MIA2: variants seen among roughly 807,000 people sequenced by gnomAD.
The protein encoded by MIA2 is MIA SH3 domain ER export factor 2.
In MIA2, 127 loss-of-function variants were observed where a neutral mutation model predicts 167.8. That is an observed-to-expected ratio of 0.76 (90% CI 0.66 to 0.88). The LOEUF is 0.88. MIA2 is among the 40% of genes least tolerant of loss of function. The probability of loss-of-function intolerance (pLI) is 0.00; values close to 1 mark genes in which losing one functional copy is unlikely to be tolerated. For missense variants in MIA2, 1,690 were observed against 1,624.7 expected, an observed-to-expected ratio of 1.04 and a Z score of -0.69; for synonymous variants, 552 against 541.9, an observed-to-expected ratio of 1.02 and a Z score of -0.26.
At chr14:39,300,967 T>C (rs76153461) in intron 14 of MIA2, among the ~76,000 whole-genome samples, 4 of 140,180 alleles carry the variant, frequency 2.9e-5, no homozygotes, top group East Asian at 2.1e-4. Context: ...CATATACACA[T>C]ATATACACAT....
At chr14:39,246,080 A>ATTT (rs1464039377) in intron 3 of MIA2, among the ~76,000 whole-genome samples, 1 of 46,950 alleles carries the variant, frequency 2.1e-5, no homozygotes, top group Non-Finnish European at 4.1e-5. Context: ...ATTTTTAAAA[A>ATTT]TTTTTATTTA....
chr14:39,276,839 A>G, intron 6 of MIA2, 95 bp from the exon 7 acceptor site: 2 of 1,388,894 alleles, frequency 1.4e-6, no homozygotes. Context: ...CTGGCAGCCC[A>G]TTTTGTGTTG....
chr14:39,380,184 G>A (rs2139357885), intron 23 of MIA2, among the ~76,000 whole-genome samples: 1 of 152,264 alleles, frequency 6.6e-6, no homozygotes, highest in Admixed American at 6.5e-5. Context: ...GGTCACAACA[G>A]CAATTAAAAC....
At chr14:39,239,197 G>A (rs967586712) in intron 2 of MIA2, among the ~76,000 whole-genome samples, 1 of 152,112 alleles carries the variant, frequency 6.6e-6, no homozygotes, top group African/African-American at 2.4e-5. Context: ...GGCCAGAATT[G>A]CTTGTCTGGC....
chr14:39,277,708 A>ATG lies in MIA2; in HGVS notation c.2019+644_2019+645insGT, dbSNP rs2058275199. The stretch of plus-strand genomic sequence containing the variant: ...TATATGTGTGTATATATATATATAT[A>ATG]TATATATGTGTGTATATATATATAT... On this transcript the variant is annotated intron_variant, in intron 7 of 28. Coordinates refer to ENST00000640607, the MANE Select transcript of MIA2 (RefSeq NM_001329214.4). Among the ~76,000 whole-genome samples the ATG allele has an allele frequency of 2.9e-4, 2 of 6,924 alleles. 1 individual carries two copies. The highest frequency in any genetic ancestry group is 2.1e-3 in the African/African-American group (2 of 966). 4.5% of individuals were successfully genotyped at this position (6,924 alleles called of 152,430 possible).
intron 6 of MIA2, chr14:39,267,356 G>A (rs1222163676): frequency 6.3e-7 from 1 of 1,580,376 alleles, no homozygotes; most frequent in Admixed American, 1.9e-5. Context: ...CGGTTGCCGG[G>A]TGCGGATTCG....
At chr14:39,300,491 G>C (rs1429591400) in intron 14 of MIA2, among the ~76,000 whole-genome samples, 1 of 151,896 alleles carries the variant, frequency 6.6e-6, no homozygotes, top group East Asian at 1.9e-4. Flanking sequence ...TCTTAATGCT[G>C]ATAAATACAG....
At chr14:39,240,509 A>T in intron 2 of MIA2, 52 bp from the exon 3 acceptor site, 1 of 1,408,884 alleles carries the variant, frequency 7.1e-7, no homozygotes. Context: ...TTCAATAATT[A>T]TTATTGCTTT....
chr14:39,311,764 A>G (rs1203612237), intron 18 of MIA2, among the ~76,000 whole-genome samples: 2 of 150,464 alleles, frequency 1.3e-5, no homozygotes, highest in Non-Finnish European at 3.0e-5. Context: ...TGTGGGGATT[A>G]TAGGCATGAG....
chr14:39,272,810 AT>A (rs1319908771), intron 6 of MIA2, among the ~76,000 whole-genome samples: 1 of 152,218 alleles, frequency 6.6e-6, no homozygotes, highest in African/African-American at 2.4e-5. Context: ...CTTTACATTT[AT>A]TTAAGTCTTC....
chr14:39,266,270 G>A (rs189316796), intron 6 of MIA2: 13 of 982,820 alleles, frequency 1.3e-5, no homozygotes, highest in East Asian at 1.1e-4. Context: ...ATATATATGA[G>A]ATGGGTTATC....
Position 39,266,044 on chromosome 14 carries a change from G to C in MIA2, c.1888-10890G>C, listed in dbSNP as rs190212368. The C allele has an allele frequency of 3.1e-4, 301 of 985,382 alleles. No individual in the cohort carries two copies. In the African/African-American group the frequency reaches 3.7e-3, roughly 12 times the overall value. 61.0% of individuals were successfully genotyped at this position (985,382 alleles called of 1,614,324 possible). A position where few individuals can be genotyped will look rare whatever the true frequency, so the allele number is the denominator to read the frequency against. On this transcript the variant is annotated intron_variant, in intron 6 of 28. Coordinates refer to ENST00000640607, the MANE Select transcript of MIA2 (RefSeq NM_001329214.4). ...CTGAAAAATCACTTGCTGTGAACTT[G>C]GGCCAGTTTTTGATTTTTTAAATGG...
intron 13 of MIA2, among the ~76,000 whole-genome samples, chr14:39,297,217 C>G (rs1405011285): frequency 6.6e-6 from 1 of 152,012 alleles, no homozygotes; most frequent in Non-Finnish European, 1.5e-5. Context: ...CCTCAGCCTC[C>G]CGAGTAGCTG....
At chr14:39,237,241 C>T (rs182593613) in intron 2 of MIA2, 186 bp downstream of exon 2, 14 of 666,532 alleles carry the variant, frequency 2.1e-5, no homozygotes, top group Middle Eastern at 3.6e-4. Flanking sequence ...CATCCTCCCA[C>T]CTCAGCCTCC....
At chr14:39,372,382 A>T (rs1253668068) in intron 23 of MIA2, among the ~76,000 whole-genome samples, 2 of 152,222 alleles carry the variant, frequency 1.3e-5, no homozygotes. Context: ...CTTACATCAA[A>T]GATCTATGAG....
At chr14:39,383,430 A>T (rs1193707381) in intron 23 of MIA2, among the ~76,000 whole-genome samples, 1 of 152,218 alleles carries the variant, frequency 6.6e-6, no homozygotes, top group Non-Finnish European at 1.5e-5. Context: ...ATGTGTTCTG[A>T]CTACTTTCCC....
intron 23 of MIA2, among the ~76,000 whole-genome samples, chr14:39,377,309 C>G (rs1459812663): frequency 1.3e-5 from 2 of 151,532 alleles, no homozygotes; most frequent in Non-Finnish European, 2.9e-5. Flanking sequence ...CATCAGTAGG[C>G]AGGTATGAAA....
At chr14:39,260,129 T>C (rs1266094306) in intron 6 of MIA2, among the ~76,000 whole-genome samples, 1 of 152,214 alleles carries the variant, frequency 6.6e-6, no homozygotes, top group Non-Finnish European at 1.5e-5. Context: ...TTGGGTTGGT[T>C]CCAAGTCTGC....
chr14:39,261,952 C>G (rs2055139815), intron 6 of MIA2, among the ~76,000 whole-genome samples: 1 of 152,132 alleles, frequency 6.6e-6, no homozygotes, highest in South Asian at 2.1e-4. Flanking sequence ...CCTGTTCACT[C>G]TGATGGTAGT....
Sources: gnomAD v4.1 joint callset for allele counts (sites outside exome capture counted in the v4.1 genomes callset) on GRCh38, gnomAD v4.1.1 for gene constraint, MANE v1.5 for transcripts, NCBI Gene and HGNC (gene_info 2026-07-23, HGNC 2026-07-21) for gene names.